The following DHCR24 variants were observed in gnomAD, a reference collection of about 807,000 sequenced individuals.
The protein encoded by DHCR24 is delta(24)-sterol reductase.
A neutral mutation model predicts 61.2 loss-of-function variants in DHCR24; 28 were observed. The ratio of observed to expected loss-of-function variants is 0.46; its 90% CI spans 0.34 to 0.63. The LOEUF (loss-of-function observed/expected upper bound fraction) is 0.63, where lower values mean the gene tolerates loss of function less well. Among genes scored for constraint, DHCR24 ranks in the 20% least tolerant of loss-of-function variants. DHCR24 has a pLI of 0.01. For missense variants in DHCR24, 538 were observed against 679.1 expected (o/e 0.79, Z 2.31); for synonymous variants, 261 against 275.9 (o/e 0.95, Z 0.54).
chr1:54,859,291 TGA>T (rs139707914), intron 6 of DHCR24, among the ~76,000 whole-genome samples: 11,208 of 152,174 alleles, frequency 0.074, 509 homozygotes, highest in Admixed American at 0.13. Flanking sequence ...GCCCACAGCA[TGA>T]GAGTCCCTGA....
intron 3 of DHCR24, among the ~76,000 whole-genome samples, chr1:54,875,510 A>G (rs1411434690): frequency 1.3e-5 from 2 of 152,020 alleles, no homozygotes; most frequent in African/African-American, 4.8e-5. Context: ...ATTCATCTTG[A>G]GAGGGACTTT....
intron 8 of DHCR24, among the ~76,000 whole-genome samples, chr1:54,853,141 G>A (rs957287863): frequency 6.6e-6 from 1 of 151,792 alleles, no homozygotes; most frequent in Non-Finnish European, 1.5e-5. Flanking sequence ...TCTGTTCCGT[G>A]GGGAGGAGTG....
At chr1:54,857,246 T>C (rs753357807) in intron 6 of DHCR24, among the ~76,000 whole-genome samples, 1 of 152,238 alleles carries the variant, frequency 6.6e-6, no homozygotes, top group Admixed American at 6.5e-5. Flanking sequence ...TTGCAGAGAA[T>C]CTCACTGCAG....
chr1:54,870,716 A>G (rs687146), intron 5 of DHCR24, among the ~76,000 whole-genome samples: 74,373 of 152,114 alleles, frequency 0.49, 19,602 homozygotes, highest in South Asian at 0.66. Flanking sequence ...ACTGTTGTGG[A>G]ACCCACAGAT....
chr1:54,868,228 T>G (rs934230504), intron 5 of DHCR24, among the ~76,000 whole-genome samples: 15 of 152,196 alleles, frequency 9.9e-5, no homozygotes, highest in Admixed American at 7.2e-4. Context: ...CCCAACACTT[T>G]GGGAGGCCGA....
intron 6 of DHCR24, among the ~76,000 whole-genome samples, chr1:54,863,168 T>C (rs1339591686): frequency 6.6e-6 from 1 of 151,670 alleles, no homozygotes; most frequent in Middle Eastern, 3.2e-3. Context: ...ATCCTGCTGG[T>C]TGGTTCAGCC....
At chr1:54,880,756 C>T (rs1189826798) in intron 2 of DHCR24, among the ~76,000 whole-genome samples, 1 of 148,970 alleles carries the variant, frequency 6.7e-6, no homozygotes, top group African/African-American at 2.5e-5. Flanking sequence ...CAGAGCTAGA[C>T]TCTGTCTCAA....
intron 6 of DHCR24, among the ~76,000 whole-genome samples, chr1:54,860,946 CCA>C: frequency 1.3e-5 from 2 of 151,882 alleles, no homozygotes; most frequent in South Asian, 4.2e-4. Flanking sequence ...CGAGATCCAG[CCA>C]CTGCACCCCA....
chr1:54,854,529 C>T (rs943777011), intron 6 of DHCR24, among the ~76,000 whole-genome samples: 7 of 152,174 alleles, frequency 4.6e-5, no homozygotes, highest in Non-Finnish European at 8.8e-5. Context: ...GATATTAATA[C>T]CAAGTGGAAG....
intron 4 of DHCR24, among the ~76,000 whole-genome samples, chr1:54,874,623 A>G (rs1337689399): frequency 6.6e-6 from 1 of 152,184 alleles, no homozygotes; most frequent in Non-Finnish European, 1.5e-5. Context: ...TCTGTGACAC[A>G]TGACTGTACC....
At chr1:54,875,065 C>G (rs775230710) in intron 4 of DHCR24, 28 bp downstream of exon 4, 2 of 1,592,314 alleles carry the variant, frequency 1.3e-6, no homozygotes, top group South Asian at 1.1e-5. Flanking sequence ...AGCAGGCTGG[C>G]ATGGACATCT....
intron 5 of DHCR24, among the ~76,000 whole-genome samples, chr1:54,866,456 C>T (rs1646968416): frequency 6.6e-6 from 1 of 152,008 alleles, no homozygotes; most frequent in Admixed American, 6.6e-5. Flanking sequence ...TCACGCCATT[C>T]TCCTGCCTCA....
At chr1:54,881,843 A>T (rs1454504327) in intron 2 of DHCR24, among the ~76,000 whole-genome samples, 1 of 152,212 alleles carries the variant, frequency 6.6e-6, no homozygotes, top group Non-Finnish European at 1.5e-5. Flanking sequence ...TGCAGCTGGA[A>T]GCCATTATCC....
rs1467814712 is a variant in DHCR24, at chr1:54,883,542, T to G, written c.387+76A>C. ...CACTCTGCAATGCCCTTGGCTAAAA[T>G]CATCTCCCTATGAGTCACTTGCACC... is the stretch of plus-strand genomic sequence containing the variant. On this transcript the variant is annotated intron_variant, in intron 2 of 8. Coordinates refer to ENST00000371269, the MANE Select transcript of DHCR24 (RefSeq NM_014762.4). This position sits in a 1 kb window ranked among gnomAD's most constrained non-coding sequence, Gnocchi z 4.3. The G allele has an allele frequency of 1.0e-5, 16 of 1,584,058 alleles. No individual in the cohort carries two copies.
At chr1:54,870,228 AC>A (rs748854139) in intron 5 of DHCR24, among the ~76,000 whole-genome samples, 3 of 141,178 alleles carry the variant, frequency 2.1e-5, no homozygotes, top group Non-Finnish European at 3.1e-5. Context: ...AAAAAAAAAA[AC>A]AATAAGAAAA....
chr1:54,874,740 G>T (rs747747869), intron 4 of DHCR24, among the ~76,000 whole-genome samples: 5 of 152,118 alleles, frequency 3.3e-5, no homozygotes, highest in African/African-American at 1.2e-4. Context: ...GATTACTGGG[G>T]TGTGAGTCCC....
intron 1 of DHCR24, chr1:54,886,547 A>G (rs1647097588): frequency 7.8e-7 from 1 of 1,276,428 alleles, no homozygotes; most frequent in Non-Finnish European, 1.0e-6. Context: ...CATACTTCCC[A>G]ATCTCTAGAC....
At chr1:54,873,238 G>T (rs559554207) in intron 4 of DHCR24, among the ~76,000 whole-genome samples, 2 of 152,300 alleles carry the variant, frequency 1.3e-5, no homozygotes, top group African/African-American at 2.4e-5. Flanking sequence ...TTGCCTAGTG[G>T]TATCACTGCT....
chr1:54,878,490 G>A (rs1289440412), intron 2 of DHCR24, among the ~76,000 whole-genome samples: 5 of 129,506 alleles, frequency 3.9e-5, no homozygotes, highest in African/African-American at 1.5e-4. Flanking sequence ...CTCCAGCCTG[G>A]GCAACAAGAG....
Sources: allele counts gnomAD v4.1 joint callset (sites outside exome capture counted in the v4.1 genomes callset), GRCh38; gene constraint gnomAD v4.1.1; non-coding constraint Gnocchi (gnomAD v3.1); transcripts MANE v1.5; gene names NCBI Gene and HGNC (gene_info 2026-07-23, HGNC 2026-07-21).